Variants in GRM7 observed in about 807,000 individuals in gnomAD.
GRM7 encodes metabotropic glutamate receptor 7.
GRM7 carries 35 observed loss-of-function variants against 84.5 expected under a neutral mutation model. The ratio of observed to expected loss-of-function variants is 0.41; its 90% CI spans 0.32 to 0.55. GRM7 has a LOEUF of 0.55. GRM7 is among the 20% of genes least tolerant of loss of function. The pLI, the probability that GRM7 is intolerant of heterozygous loss-of-function variation, is 0.19. For missense variants in GRM7, 1,003 were observed against 1,194.6 expected (o/e 0.84, Z 2.36); for synonymous variants, 487 against 455.1 (o/e 1.07, Z -0.89).
rs1695153179 is a variant in GRM7, at chr3:7,005,542, T to A, written c.520-140910T>A. Among the ~76,000 whole-genome samples, 3 of 152,246 alleles carry A rather than the reference T, an allele frequency of 2.0e-5. No homozygotes were observed. In the South Asian group the frequency reaches 6.2e-4, roughly 32 times the overall value. Reference sequence around the variant, plus strand: ...ATGTTAATTTAGGTATTTGCAGATGTATTTTAAAACATACTTCATAAGAAC... The same window carrying A: ...ATGTTAATTTAGGTATTTGCAGATGAATTTTAAAACATACTTCATAAGAAC... On this transcript the variant is annotated intron_variant, in intron 1 of 9. Coordinates refer to ENST00000357716, the MANE Select transcript of GRM7 (RefSeq NM_000844.4).
intron 1 of GRM7, among the ~76,000 whole-genome samples, chr3:6,938,980 C>T (rs547065074): frequency 6.6e-6 from 1 of 152,314 alleles, no homozygotes; most frequent in Admixed American, 6.5e-5. Context: ...TAATTCAGTG[C>T]ATAAACTAAC....
In GRM7 at chr3:7,464,697, G is replaced by A. The variant is rs1021607022; in HGVS notation, c.1515+2975G>A. Among the ~76,000 whole-genome samples the A allele has an allele frequency of 8.6e-5, 13 of 151,968 alleles. No homozygotes were observed. In the East Asian group the frequency reaches 9.7e-4, roughly 11 times the overall value. On this transcript the variant is annotated intron_variant, in intron 7 of 9. Coordinates refer to ENST00000357716, the MANE Select transcript of GRM7 (RefSeq NM_000844.4). Reference sequence around the variant, plus strand: ...AAAAAAATTAGCCGGGCATGGTGGCGGGCGCCTGTAGTCCCAGCTACTCGG... The same window carrying A: ...AAAAAAATTAGCCGGGCATGGTGGCAGGCGCCTGTAGTCCCAGCTACTCGG...
intron 1 of GRM7, among the ~76,000 whole-genome samples, chr3:6,902,162 C>T (rs114910530): frequency 0.015 from 2,353 of 152,176 alleles, 59 homozygotes; most frequent in African/African-American, 0.054. Flanking sequence ...ACCTAACCTC[C>T]GGATTAATGT....
Position 7,034,633 on chromosome 3 carries a change from T to C in GRM7, c.520-111819T>C, listed in dbSNP as rs1174857469. Among the ~76,000 whole-genome samples the C allele has an allele frequency of 2.0e-5, 3 of 152,192 alleles. No individual in the cohort carries two copies. In the East Asian group the frequency reaches 5.8e-4, roughly 29 times the overall value. ...TGAGAACTATAAGTCCTATCAAAAA[T>C]TATGATTTTTTTCTCAGCTTTGGCA... is the stretch of plus-strand genomic sequence containing the variant. On this transcript the variant is annotated intron_variant, in intron 1 of 9. Transcript: ENST00000357716.
intron 1 of GRM7, among the ~76,000 whole-genome samples, chr3:7,118,029 A>G (rs954147338): frequency 2.0e-5 from 3 of 152,146 alleles, no homozygotes; most frequent in African/African-American, 7.2e-5. Context: ...GTGAGTTACA[A>G]AAATAGAAGG....
At chr3:6,982,075 G>T (rs2124834334) in intron 1 of GRM7, among the ~76,000 whole-genome samples, 1 of 152,268 alleles carries the variant, frequency 6.6e-6, no homozygotes, top group African/African-American at 2.4e-5. Context: ...ACTGGATTAA[G>T]AAAATGTGGT....
intron 1 of GRM7, among the ~76,000 whole-genome samples, chr3:7,117,836 C>T (rs980103250): frequency 2.0e-5 from 3 of 152,110 alleles, no homozygotes; most frequent in African/African-American, 7.2e-5. Context: ...TCTCAAAATT[C>T]CAGGCTCATA....
intron 2 of GRM7, among the ~76,000 whole-genome samples, chr3:7,269,865 TTTA>T (rs1398529237): frequency 3.9e-5 from 6 of 152,040 alleles, no homozygotes; most frequent in Non-Finnish European, 5.9e-5. Context: ...TACTGGCATT[TTTA>T]CTCCTGCTGT....
chr3:7,331,497 G>A (rs531115764), intron 4 of GRM7, among the ~76,000 whole-genome samples: 1 of 152,318 alleles, frequency 6.6e-6, no homozygotes, highest in South Asian at 2.1e-4. Context: ...TACTGTGTAA[G>A]ACACAAATAT....
intron 8 of GRM7, among the ~76,000 whole-genome samples, chr3:7,659,525 T>A (rs572010685): frequency 3.3e-4 from 50 of 152,208 alleles, no homozygotes; most frequent in African/African-American, 1.2e-3. Context: ...AGATATGAAT[T>A]CTCCTCATAG....
chr3:7,246,668 T>C (rs1697772267), intron 2 of GRM7, among the ~76,000 whole-genome samples: 1 of 152,124 alleles, frequency 6.6e-6, no homozygotes, highest in Non-Finnish European at 1.5e-5. Context: ...CTTGTGTGTC[T>C]GAGCGAGACG....
chr3:7,217,356 G>A (rs1012780570), intron 2 of GRM7, among the ~76,000 whole-genome samples: 1 of 152,134 alleles, frequency 6.6e-6, no homozygotes, highest in Non-Finnish European at 1.5e-5. Context: ...CCTATGGCAT[G>A]CTGATGTCTT....
chr3:7,310,561 T>C lies in GRM7; in HGVS notation c.1033+3909T>C, dbSNP rs140359664. 2.6e-4 allele frequency among the ~76,000 whole-genome samples: 39 copies of C among 152,152 alleles called. No homozygotes were observed. In the East Asian group the frequency reaches 7.6e-3, roughly 29 times the overall value. On this transcript the variant is annotated intron_variant, in intron 4 of 9. Transcript: ENST00000357716. ...TCTCTAGGTGAATGGGGAAAAAAAA[T>C]GAGAAAGAAAATATTGCCTTGAACC...
chr3:7,675,761 G>A (rs2125136260), intron 8 of GRM7, among the ~76,000 whole-genome samples: 1 of 152,298 alleles, frequency 6.6e-6, no homozygotes, highest in African/African-American at 2.4e-5. Context: ...AGTGGTTACA[G>A]TGAAAGCCGT....
At chr3:6,997,502 G>T (rs1694865284) in intron 1 of GRM7, among the ~76,000 whole-genome samples, 1 of 152,130 alleles carries the variant, frequency 6.6e-6, no homozygotes. Context: ...CCCTTATAAA[G>T]CCATCAGATC....
chr3:7,007,768 A>G (rs1310760938), intron 1 of GRM7, among the ~76,000 whole-genome samples: 1 of 152,230 alleles, frequency 6.6e-6, no homozygotes, highest in Non-Finnish European at 1.5e-5. Context: ...TTGAAGAAGA[A>G]AACACTAAAT....
chr3:7,385,209 ATAATT>A (rs1490589595), intron 4 of GRM7, among the ~76,000 whole-genome samples: 1 of 151,432 alleles, frequency 6.6e-6, no homozygotes, highest in African/African-American at 2.4e-5. Context: ...TTCTCTTAAT[ATAATT>A]TATATTTATT....
intron 4 of GRM7, among the ~76,000 whole-genome samples, chr3:7,317,919 C>G (rs1700639477): frequency 6.6e-6 from 1 of 151,936 alleles, no homozygotes; most frequent in Admixed American, 6.6e-5. Flanking sequence ...TCTTGAAATA[C>G]CTCTCTATTT....
At chr3:7,656,754 G>A (rs953176627) in intron 8 of GRM7, among the ~76,000 whole-genome samples, 3 of 151,978 alleles carry the variant, frequency 2.0e-5, no homozygotes, top group African/African-American at 7.2e-5. Context: ...GAAAAGTGAA[G>A]CACTTTTTAA....
Sources: allele counts gnomAD v4.1 joint callset (sites outside exome capture counted in the v4.1 genomes callset), GRCh38; gene constraint gnomAD v4.1.1; transcripts MANE v1.5; gene names NCBI Gene and HGNC (gene_info 2026-07-23, HGNC 2026-07-21).